The following GRM1 variants were observed in gnomAD, a reference collection of about 807,000 sequenced individuals.
GRM1 encodes the protein glutamate metabotropic receptor 1, also known as metabotropic glutamate receptor 1.
GRM1 carries 33 observed loss-of-function variants against 90.9 expected under a neutral mutation model. The ratio of observed to expected loss-of-function variants is 0.36; its 90% CI spans 0.28 to 0.49. The LOEUF is 0.49. Ranked by LOEUF, GRM1 falls within the 20% of genes least tolerant of loss-of-function variation. GRM1 has a pLI of 0.99. For synonymous variants in GRM1, 700 were observed against 613.2 expected (o/e 1.14, Z -2.09); for missense variants, 1,190 against 1,534.3 (o/e 0.78, Z 3.75).
At chr6:146,420,327 T>C (rs1211761123) in intron 7 of GRM1, among the ~76,000 whole-genome samples, 1 of 152,154 alleles carries the variant, frequency 6.6e-6, no homozygotes, top group Non-Finnish European at 1.5e-5. Flanking sequence ...AAAATCTAAA[T>C]AGAAAAATCT....
chr6:146,076,282 A>C (rs1405733707), intron 1 of GRM1, among the ~76,000 whole-genome samples: 1 of 152,200 alleles, frequency 6.6e-6, no homozygotes, highest in South Asian at 2.1e-4. Context: ...TTTTAATGCA[A>C]AGTGGAATAG....
At chr6:146,391,746 A>G (rs2114548192) in intron 6 of GRM1, among the ~76,000 whole-genome samples, 1 of 152,140 alleles carries the variant, frequency 6.6e-6, no homozygotes, top group African/African-American at 2.4e-5. Context: ...AGAATCTAAA[A>G]CTTTTAAGAA....
chr6:146,368,892 C>T (rs1019800270), intron 5 of GRM1, among the ~76,000 whole-genome samples: 1 of 151,910 alleles, frequency 6.6e-6, no homozygotes. Flanking sequence ...CACTTCTCTT[C>T]AATTTTTTGG....
intron 1 of GRM1, among the ~76,000 whole-genome samples, chr6:146,065,394 T>C (rs1775811893): frequency 6.6e-6 from 1 of 152,204 alleles, no homozygotes; most frequent in Non-Finnish European, 1.5e-5. Context: ...GTCCAAATCC[T>C]GACCCTGCCA....
chr6:146,247,778 T>TGGTG (rs1781117664), intron 2 of GRM1, among the ~76,000 whole-genome samples: 1 of 133,308 alleles, frequency 7.5e-6, no homozygotes, highest in Admixed American at 7.6e-5. Context: ...GAAATGTGTG[T>TGGTG]GGTGTGTGTG....
chr6:146,333,875 G>C (rs1479164081), intron 3 of GRM1, among the ~76,000 whole-genome samples: 1 of 151,992 alleles, frequency 6.6e-6, no homozygotes, highest in Non-Finnish European at 1.5e-5. Flanking sequence ...GTGATATCCT[G>C]GATAGAATTC....
chr6:146,185,904 C>A (rs1033717085), intron 2 of GRM1, among the ~76,000 whole-genome samples: 1 of 151,812 alleles, frequency 6.6e-6, no homozygotes, highest in Non-Finnish European at 1.5e-5. Flanking sequence ...TTAGATCTCA[C>A]GATGAGATAC....
intron 1 of GRM1, among the ~76,000 whole-genome samples, chr6:146,048,300 GACCTATGTAAA>G (rs1250895713): frequency 6.6e-6 from 1 of 151,918 alleles, no homozygotes; most frequent in Non-Finnish European, 1.5e-5. Flanking sequence ...CTCTAGGAAG[GACCTATGTAAA>G]ACCTCACTGG....
intron 2 of GRM1, among the ~76,000 whole-genome samples, chr6:146,168,589 T>C (rs1020186732): frequency 6.6e-6 from 1 of 151,910 alleles, no homozygotes; most frequent in Non-Finnish European, 1.5e-5. Context: ...ATTTGGATTA[T>C]TTTTTTTCTG....
chr6:146,404,289 G>T (rs1210002249), intron 7 of GRM1, among the ~76,000 whole-genome samples: 1 of 151,970 alleles, frequency 6.6e-6, no homozygotes, highest in Admixed American at 6.6e-5. Flanking sequence ...AAGCTTAAAA[G>T]CACTTAGGTA....
intron 1 of GRM1, among the ~76,000 whole-genome samples, chr6:146,114,324 T>C (rs964234839): frequency 6.6e-6 from 1 of 152,234 alleles, no homozygotes; most frequent in Non-Finnish European, 1.5e-5. Flanking sequence ...ATATTGATGA[T>C]ATTATTGCTT....
At chr6:146,432,380 G>T (rs1180507681) in intron 7 of GRM1, among the ~76,000 whole-genome samples, 1 of 152,082 alleles carries the variant, frequency 6.6e-6, no homozygotes, top group East Asian at 1.9e-4. Flanking sequence ...TACTTTTCAA[G>T]ATTATAAAAT....
At chr6:146,370,711 G>T (rs1775865930) in intron 5 of GRM1, among the ~76,000 whole-genome samples, 1 of 151,914 alleles carries the variant, frequency 6.6e-6, no homozygotes, top group Non-Finnish European at 1.5e-5. Flanking sequence ...CATGCTGGCA[G>T]CCATTGTGAT....
At chr6:146,137,472 G>A in intron 1 of GRM1, among the ~76,000 whole-genome samples, 1 of 152,056 alleles carries the variant, frequency 6.6e-6, no homozygotes, top group Non-Finnish European at 1.5e-5. Flanking sequence ...TAAGTTTATT[G>A]TAGATATACA....
chr6:146,294,094 C>T (rs536473072), intron 2 of GRM1, among the ~76,000 whole-genome samples: 2 of 151,436 alleles, frequency 1.3e-5, no homozygotes, highest in African/African-American at 2.4e-5. Flanking sequence ...TACATCTTTC[C>T]CCCAATTTTA....
In GRM1 at chr6:146,416,654, G is replaced by A. The variant is rs570973726; in HGVS notation, c.2660+16955G>A. Among the ~76,000 whole-genome samples the A allele has an allele frequency of 2.0e-5, 3 of 152,168 alleles. No homozygotes were observed. In the South Asian group the frequency reaches 6.2e-4, roughly 32 times the overall value. ...TGTTTCTCCTTTACGTTATAATCCA[G>A]TTACGGACTGAGCTGATTTGATGTG... is the stretch of plus-strand genomic sequence containing the variant. On this transcript the variant is annotated intron_variant, in intron 7 of 7. Transcript: ENST00000282753.
At position 146,429,850 on chromosome 6, in the gene GRM1, C is replaced by A. The variant is rs573753404; in HGVS notation, c.2661-4022C>A. On this transcript the variant is annotated intron_variant, in intron 7 of 7. Transcript: ENST00000282753. Reference sequence around the variant, plus strand: ...CCCAGGAGTGAGCCTCTCTTTCTTACGCGAAGGTCTTGCATTATCTGTGGG... The same window carrying A: ...CCCAGGAGTGAGCCTCTCTTTCTTAAGCGAAGGTCTTGCATTATCTGTGGG... 7.2e-5 allele frequency among the ~76,000 whole-genome samples: 11 copies of A among 152,272 alleles called. No homozygotes were observed. In the South Asian group the frequency reaches 2.1e-3, roughly 29 times the overall value.
intron 2 of GRM1, among the ~76,000 whole-genome samples, chr6:146,196,291 A>AT (rs35847536): frequency 0.024 from 3,282 of 136,584 alleles, 119 homozygotes; most frequent in African/African-American, 0.069. Context: ...AGTGCAGTGG[A>AT]TTTTTTTTTT....
At chr6:146,283,467 G>T (rs932934831) in intron 2 of GRM1, among the ~76,000 whole-genome samples, 2 of 152,140 alleles carry the variant, frequency 1.3e-5, no homozygotes, top group Non-Finnish European at 2.9e-5. Context: ...ACTTCTGCAA[G>T]AAACAAAGCA....
Sources: allele counts gnomAD v4.1 joint callset (sites outside exome capture counted in the v4.1 genomes callset), GRCh38; gene constraint gnomAD v4.1.1; transcripts MANE v1.5; gene names NCBI Gene and HGNC (gene_info 2026-07-23, HGNC 2026-07-21).